Variants in IKZF2 observed in about 807,000 individuals in gnomAD.
The protein encoded by IKZF2 is zinc finger protein Helios.
A neutral mutation model predicts 49.2 loss-of-function variants in IKZF2; 15 were observed. The ratio of observed to expected loss-of-function variants is 0.30; its 90% CI spans 0.20 to 0.47. The LOEUF (loss-of-function observed/expected upper bound fraction) is 0.47, where lower values mean the gene tolerates loss of function less well. Ranked by LOEUF, IKZF2 falls within the 20% of genes least tolerant of loss-of-function variation. IKZF2 has a pLI of 1.00. For missense variants in IKZF2, 567 were observed against 664.6 expected, an observed-to-expected ratio of 0.85 and a Z score of 1.61; for synonymous variants, 227 against 221.4, an observed-to-expected ratio of 1.03 and a Z score of -0.23.
intron 7 of IKZF2, among the ~76,000 whole-genome samples, chr2:213,021,167 C>T (rs534066692): frequency 2.2e-4 from 33 of 151,746 alleles, no homozygotes; most frequent in Non-Finnish European, 4.1e-4. Flanking sequence ...GAGCTGAGAT[C>T]GTGCCACTGC....
chr2:213,136,370 CAA>C (rs11325415), intron 4 of IKZF2, among the ~76,000 whole-genome samples: 324 of 53,600 alleles, frequency 6.0e-3, no homozygotes, highest in African/African-American at 0.022. Flanking sequence ...GACACTGTCT[CAA>C]AAAAAAAAAA....
At chr2:213,146,480 A>G (rs1292412325) in intron 4 of IKZF2, among the ~76,000 whole-genome samples, 1 of 152,120 alleles carries the variant, frequency 6.6e-6, no homozygotes, top group Non-Finnish European at 1.5e-5. Flanking sequence ...CAACTTTTAA[A>G]TAAATAAAGC....
At chr2:213,113,232 A>G (rs2059770668) in intron 4 of IKZF2, among the ~76,000 whole-genome samples, 1 of 152,222 alleles carries the variant, frequency 6.6e-6, no homozygotes, top group Non-Finnish European at 1.5e-5. Context: ...CCTTGCTCCA[A>G]TGACTATCAA....
intron 6 of IKZF2, among the ~76,000 whole-genome samples, chr2:213,045,292 T>C (rs1354461568): frequency 6.6e-6 from 1 of 152,258 alleles, no homozygotes; most frequent in African/African-American, 2.4e-5. Flanking sequence ...TAACTGTAGA[T>C]GCAGTTTTAG....
chr2:213,110,848 T>C (rs972307283), intron 4 of IKZF2, among the ~76,000 whole-genome samples: 2 of 152,070 alleles, frequency 1.3e-5, no homozygotes, highest in Non-Finnish European at 2.9e-5. Flanking sequence ...AGACATGCTA[T>C]GTCAGTATAG....
At chr2:213,022,702 T>G (rs112887110) in intron 6 of IKZF2, among the ~76,000 whole-genome samples, 76 of 152,280 alleles carry the variant, frequency 5.0e-4, no homozygotes, top group African/African-American at 1.7e-3. Flanking sequence ...TATTCACACA[T>G]GCAAAATTTT....
chr2:213,002,378 A>C lies in IKZF2; in HGVS notation c.*4982T>G, dbSNP rs1694982721. On this transcript the variant is annotated 3_prime_UTR_variant, in exon 9 of 9. Transcript: ENST00000434687. ...TTACAGTACAGCAAGATAAAACTAA[A>C]AAGCTAGAAATAGAATATTACATAA... is the stretch of plus-strand genomic sequence containing the variant. 1 of 151,562 alleles carries C rather than the reference A, an allele frequency of 6.6e-6. No individual in the cohort carries two copies. 9.4% of individuals were successfully genotyped at this position (151,562 alleles called of 1,614,324 possible). A position where few individuals can be genotyped will look rare whatever the true frequency, so the allele number is the denominator to read the frequency against.
chr2:213,011,526 A>G (rs12470231), intron 8 of IKZF2, among the ~76,000 whole-genome samples: 20,021 of 152,078 alleles, frequency 0.13, 1,461 homozygotes, highest in South Asian at 0.26. Context: ...ACATGGATGC[A>G]TACAATCCTA....
At chr2:213,080,851 T>C (rs1307343982) in intron 4 of IKZF2, among the ~76,000 whole-genome samples, 1 of 152,080 alleles carries the variant, frequency 6.6e-6, no homozygotes, top group Non-Finnish European at 1.5e-5. Flanking sequence ...AAAAAAAAGC[T>C]ATTTACTAAG....
At chr2:213,136,564 A>C (rs951270015) in intron 4 of IKZF2, among the ~76,000 whole-genome samples, 7 of 152,218 alleles carry the variant, frequency 4.6e-5, no homozygotes, top group African/African-American at 1.7e-4. Context: ...TTATGAGTCT[A>C]TAATTTTATT....
At chr2:213,047,578 T>C (rs1700272783) in intron 6 of IKZF2, among the ~76,000 whole-genome samples, 1 of 152,102 alleles carries the variant, frequency 6.6e-6, no homozygotes, top group South Asian at 2.1e-4. Context: ...AAGAATGTTT[T>C]CTCCAGGTTT....
At chr2:213,064,219 A>G (rs758082619) in intron 4 of IKZF2, among the ~76,000 whole-genome samples, 5 of 152,008 alleles carry the variant, frequency 3.3e-5, no homozygotes, top group Admixed American at 6.6e-5. Context: ...AGTCAATATT[A>G]TCAATTTTAA....
At position 213,057,071 on chromosome 2, in the gene IKZF2, A is replaced by C; in HGVS notation, c.168T>G (p.Ser56Arg). 6.2e-7 allele frequency: 1 copy of C among 1,612,904 alleles called. No homozygotes were observed. Among genetic ancestry groups the C allele is most frequent in the Non-Finnish European group, 8.5e-7 (1 of 1,179,646 alleles). Residue 56 changes from serine to arginine, a missense_variant, in exon 5 of 9, where the codon AGT becomes AGG. By Grantham distance (110) the Ser-to-Arg change is moderately radical (BLOSUM62 -1). Coordinates refer to ENST00000434687, the MANE Select transcript of IKZF2 (RefSeq NM_001387220.1). Reference sequence around the variant, plus strand: ...GGGGTTTCCTGTCACACTCTTCATCACTCTGCATTTCTAGCTTTACTGAAT... The same window carrying C: ...GGGGTTTCCTGTCACACTCTTCATCCCTCTGCATTTCTAGCTTTACTGAAT... ...STNSVKLEMQ[S>R]DEECDRKPLS...
At chr2:213,148,557 T>C (rs755774345) in intron 3 of IKZF2, 39 bp downstream of exon 3, 22 of 1,495,208 alleles carry the variant, frequency 1.5e-5, no homozygotes, top group Non-Finnish European at 2.0e-5. Flanking sequence ...CAAAGGCAAC[T>C]TTATTACCAA....
intron 4 of IKZF2, among the ~76,000 whole-genome samples, chr2:213,132,488 C>T (rs62189574): frequency 0.26 from 39,802 of 151,924 alleles, 6,651 homozygotes; most frequent in Non-Finnish European, 0.37. Context: ...CTTGATTCTA[C>T]ACAAGAGAGA....
At chr2:213,099,860 C>T (rs1022125470) in intron 4 of IKZF2, among the ~76,000 whole-genome samples, 3 of 151,998 alleles carry the variant, frequency 2.0e-5, no homozygotes, top group Non-Finnish European at 4.4e-5. Context: ...ATAAAAGACA[C>T]CCTATTGCAC....
chr2:213,088,764 A>C (rs995176361), intron 4 of IKZF2, among the ~76,000 whole-genome samples: 2 of 152,206 alleles, frequency 1.3e-5, no homozygotes, highest in African/African-American at 2.4e-5. Flanking sequence ...TCTCAAAATA[A>C]ATAAATAAAT....
intron 6 of IKZF2, among the ~76,000 whole-genome samples, chr2:213,039,082 AGCATAT>A (rs759419685): frequency 7.2e-5 from 11 of 152,042 alleles, no homozygotes; most frequent in Non-Finnish European, 1.6e-4. Flanking sequence ...GAGGGCATGT[AGCATAT>A]ACCTTAAAAA....
chr2:213,074,737 G>A (rs1368814731), intron 4 of IKZF2, among the ~76,000 whole-genome samples: 1 of 152,078 alleles, frequency 6.6e-6, no homozygotes, highest in African/African-American at 2.4e-5. Flanking sequence ...TCTTTGCCAA[G>A]TTTTGCTACA....
Sources: allele counts gnomAD v4.1 joint callset (sites outside exome capture counted in the v4.1 genomes callset), GRCh38; gene constraint gnomAD v4.1.1; transcripts MANE v1.5; gene names NCBI Gene and HGNC (gene_info 2026-07-23, HGNC 2026-07-21).